LLGL2: variants seen among roughly 807,000 people sequenced by gnomAD.
LLGL2 encodes LLGL2, scribble cell polarity complex component.
A neutral mutation model predicts 123.2 loss-of-function variants in LLGL2; 81 were observed. The observed-to-expected ratio is 0.66, with a 90% CI of 0.55 to 0.79. The LOEUF (loss-of-function observed/expected upper bound fraction) is 0.79, where lower values mean the gene tolerates loss of function less well. Ranked by LOEUF, LLGL2 falls within the 30% of genes least tolerant of loss-of-function variation. The pLI, the probability that LLGL2 is intolerant of heterozygous loss-of-function variation, is 0.00. For missense variants in LLGL2, 1,273 were observed against 1,414.6 expected (o/e 0.90, Z 1.61); for synonymous variants, 577 against 594.1 (o/e 0.97, Z 0.42).
At chr17:75,538,923 C>T (rs935220279) in intron 1 of LLGL2, among the ~76,000 whole-genome samples, 10 of 152,182 alleles carry the variant, frequency 6.6e-5, no homozygotes, top group African/African-American at 2.4e-5. Flanking sequence ...ACAAGAGTCT[C>T]GCTCTGTGGC....
intron 2 of LLGL2, among the ~76,000 whole-genome samples, chr17:75,554,696 T>G (rs987158869): frequency 3.3e-5 from 5 of 151,452 alleles, no homozygotes; most frequent in African/African-American, 4.9e-5. Context: ...GAGACCATCC[T>G]GGCTAACACA....
chr17:75,569,985 A>G lies in LLGL2; in HGVS notation c.1604A>G (p.Asp535Gly). 6.2e-7 allele frequency: 1 copy of G among 1,602,940 alleles called. No individual in the cohort carries two copies. Among genetic ancestry groups the G allele is most frequent in the East Asian group, 2.2e-5 (1 of 44,676 alleles). Reference sequence around the variant, plus strand: ...CAGGTGCTGGTACTGGAACTGAATGACGAGGCAGCGGAGCAGGCTGTGGAG... The same window carrying G: ...CAGGTGCTGGTACTGGAACTGAATGGCGAGGCAGCGGAGCAGGCTGTGGAG... ...AGQVLVLELN[D>G]EAAEQAVEQV... The change falls in exon 15 of 26, where the codon GAC becomes GGC. Residue 535 changes from aspartate (D) to glycine (G), a missense_variant. Asp to Gly is a moderately conservative substitution (Grantham distance 94, BLOSUM62 -1). Transcript: ENST00000392550.
At chr17:75,555,990 A>C in intron 2 of LLGL2, 56 bp from the exon 3 acceptor site, 1 of 1,383,220 alleles carries the variant, frequency 7.2e-7, no homozygotes, top group Non-Finnish European at 1.0e-6. Flanking sequence ...TGCAGCAGCC[A>C]TGGTGGCGCG....
chr17:75,527,475 G>C (rs956768937), intron 1 of LLGL2, among the ~76,000 whole-genome samples: 1 of 151,876 alleles, frequency 6.6e-6, no homozygotes, highest in Non-Finnish European at 1.5e-5. Flanking sequence ...TTGAGGCAAG[G>C]GAGTTTCCCC....
chr17:75,555,224 C>T (rs2074642460), intron 2 of LLGL2, among the ~76,000 whole-genome samples: 1 of 150,586 alleles, frequency 6.6e-6, no homozygotes, highest in South Asian at 2.1e-4. Flanking sequence ...GCAGAAGACT[C>T]GAAGGATGTA....
intron 1 of LLGL2, among the ~76,000 whole-genome samples, chr17:75,536,207 G>A (rs550199194): frequency 4.9e-4 from 75 of 152,256 alleles, no homozygotes; most frequent in African/African-American, 1.6e-3. Flanking sequence ...CAGAGGTGGC[G>A]CTCTGGCTAG....
intron 2 of LLGL2, among the ~76,000 whole-genome samples, chr17:75,550,803 A>ACC (rs1555653150): frequency 3.4e-5 from 4 of 117,970 alleles, no homozygotes; most frequent in East Asian, 2.3e-4. Flanking sequence ...AAAAAAAAAA[A>ACC]ACACACACAC....
chr17:75,535,419 G>C (rs1394209524), intron 1 of LLGL2, among the ~76,000 whole-genome samples: 1 of 152,244 alleles, frequency 6.6e-6, no homozygotes, highest in African/African-American at 2.4e-5. Context: ...GGTTTCGGCT[G>C]GGTCTGGAGT....
At chr17:75,574,303 G>GGGGGGGC in intron 23 of LLGL2, 43 bp downstream of exon 23, 1 of 513,408 alleles carries the variant, frequency 1.9e-6, no homozygotes, top group Non-Finnish European at 3.5e-6. Context: ...GAGGGGTGGG[G>GGGGGGGC]AAGGGGGGTC....
chr17:75,558,358 AC>A lies in LLGL2; in HGVS notation c.255+124del. On this transcript the variant is annotated intron_variant, in intron 4 of 25. Coordinates refer to ENST00000392550, the MANE Select transcript of LLGL2 (RefSeq NM_001031803.2). The surrounding 1 kb of genome is among the most constrained non-coding windows in gnomAD (Gnocchi z 4.0). ...CCCTGGGTTTGCTGCTGATGGAAAG[AC>A]CTGGGACCCCCTCCCTTTCCACAGC... is the stretch of plus-strand genomic sequence containing the variant. 1.7e-6 allele frequency: 2 copies of A among 1,178,930 alleles called. No homozygotes were observed. Among genetic ancestry groups the A allele is most frequent in the Non-Finnish European group, 2.4e-6 (2 of 835,620 alleles). The allele number at this position is 1,178,930 out of a possible 1,614,324, so 73.0% of individuals were successfully genotyped here.
In LLGL2 at chr17:75,566,352, A is replaced by C. The variant is rs2055442871; in HGVS notation, c.1036+1845A>C. ...CATGTGGGGGACACGGAGTGGAGCA[A>C]AGACGGGAGCCCAGTGAGAGTCGAG... On this transcript the variant is annotated intron_variant, in intron 10 of 25. Transcript: ENST00000392550. Among the ~76,000 whole-genome samples the C allele has an allele frequency of 2.0e-5, 3 of 152,186 alleles. No homozygotes were observed. The South Asian group carries it at 6.2e-4, about 31-fold the overall frequency.
intron 6 of LLGL2, 194 bp from the exon 7 acceptor site, chr17:75,562,822 G>C: frequency 3.0e-6 from 2 of 655,938 alleles, no homozygotes; most frequent in Non-Finnish European, 5.1e-6. Context: ...TGCCCACCTT[G>C]GGCTCCCAAA....
Position 75,549,941 on chromosome 17 carries a change from G to A in LLGL2, c.76-6105G>A, listed in dbSNP as rs34351197. 0.44 allele frequency among the ~76,000 whole-genome samples: 66,924 copies of A among 152,158 alleles called. 15,118 individuals are homozygous for A. The highest frequency in any genetic ancestry group is 0.48 in the Non-Finnish European group (32,679 of 67,972). On this transcript the variant is annotated intron_variant, in intron 2 of 25. Coordinates refer to ENST00000392550, the MANE Select transcript of LLGL2 (RefSeq NM_001031803.2). This position sits in a 1 kb window ranked among gnomAD's most constrained non-coding sequence, Gnocchi z 4.0. The stretch of plus-strand genomic sequence containing the variant: ...CTAACGTTGCAGTCTGGCGGCTTCT[G>A]CAAATCTTTGCTCTCCTTTCCCAAC...
intron 1 of LLGL2, among the ~76,000 whole-genome samples, chr17:75,531,766 C>G (rs2147091496): frequency 6.6e-6 from 1 of 152,318 alleles, no homozygotes; most frequent in African/African-American, 2.4e-5. Flanking sequence ...TGGCTTTGCT[C>G]AGGTCCCTTT....
At chr17:75,554,745 CG>C (rs1568044026) in intron 2 of LLGL2, among the ~76,000 whole-genome samples, 3 of 151,592 alleles carry the variant, frequency 2.0e-5, no homozygotes, top group Non-Finnish European at 4.4e-5. Context: ...AAAAATTAGC[CG>C]GGCGTGGTGG....
At position 75,569,068 on chromosome 17, in the gene LLGL2, C is replaced by T. The variant is rs929629923; in HGVS notation, c.1413C>T (p.Thr471=). 1.2e-5 allele frequency: 19 copies of T among 1,612,752 alleles called. No individual in the cohort carries two copies. The highest frequency in any genetic ancestry group is 9.3e-5 in the African/African-American group (7 of 74,886). Residue 471 remains threonine, a synonymous_variant, in exon 13 of 26, where the codon ACC becomes ACT. Coordinates refer to ENST00000392550, the MANE Select transcript of LLGL2 (RefSeq NM_001031803.2). Reference sequence around the variant, plus strand: ...TCAGCACTGTGCGCGTGTTCCTCACCGACACGGACCCCAACGAGAACTTCA... The same window carrying T: ...TCAGCACTGTGCGCGTGTTCCTCACTGACACGGACCCCAACGAGAACTTCA... ...YKLSTVRVFL[T]DTDPNENFSA... is the part of the protein sequence containing the mutation.
chr17:75,545,945 C>A (rs995216876), intron 2 of LLGL2, among the ~76,000 whole-genome samples: 2 of 152,162 alleles, frequency 1.3e-5, no homozygotes, highest in East Asian at 3.9e-4. Context: ...GATTATTTAG[C>A]AGTGTCCCTA....
chr17:75,573,425 G>A (rs1271310160), intron 20 of LLGL2, 56 bp from the exon 21 acceptor site: 12 of 1,583,972 alleles, frequency 7.6e-6, no homozygotes, highest in Non-Finnish European at 1.0e-5. Flanking sequence ...CCCCAGGTGG[G>A]GAGGCAGCCT....
In LLGL2 at chr17:75,558,002, C is replaced by A. The variant is rs768133300; in HGVS notation, c.174-153C>A. 3.8e-6 allele frequency: 3 copies of A among 784,304 alleles called. No homozygotes were observed. Among genetic ancestry groups the A allele is most frequent in the East Asian group, 5.0e-5 (2 of 40,374 alleles). 48.6% of individuals were successfully genotyped at this position (784,304 alleles called of 1,614,324 possible). On this transcript the variant is annotated intron_variant, in intron 3 of 25. Coordinates refer to ENST00000392550, the MANE Select transcript of LLGL2 (RefSeq NM_001031803.2). The surrounding 1 kb of genome is among the most constrained non-coding windows in gnomAD (Gnocchi z 4.0). ...GGCCAGGGCTGCTGTGTCTCCTCCC[C>A]ACCCTAGGCTCCATGCATGGGTCCT...
Sources: allele counts gnomAD v4.1 joint callset (sites outside exome capture counted in the v4.1 genomes callset), GRCh38; gene constraint gnomAD v4.1.1; non-coding constraint Gnocchi (gnomAD v3.1); transcripts MANE v1.5; gene names NCBI Gene and HGNC (gene_info 2026-07-23, HGNC 2026-07-21).